Variants in CAMKMT observed in about 807,000 individuals in gnomAD.
CAMKMT encodes the protein CaM KMT.
In CAMKMT, 53 loss-of-function variants were observed where a neutral mutation model predicts 48.0. The ratio of observed to expected loss-of-function variants is 1.10; its 90% CI spans 0.89 to 1.39. The LOEUF (loss-of-function observed/expected upper bound fraction) is 1.39. Ranked by LOEUF, CAMKMT falls within the 40% of genes most tolerant of loss-of-function variation. The probability of loss-of-function intolerance (pLI) is 0.00; values close to 1 mark genes in which losing one functional copy is unlikely to be tolerated. For missense variants in CAMKMT, 428 were observed against 402.7 expected (o/e 1.06, Z -0.54); for synonymous variants, 165 against 152.3 (o/e 1.08, Z -0.61).
Position 44,566,500 on chromosome 2 carries a change from A to G in CAMKMT, c.377-137783A>G, listed in dbSNP as rs543851105. On this transcript the variant is annotated intron_variant, in intron 3 of 10. Transcript: ENST00000378494. ...CTTTTCAGTCAGGCTGCTGGGTCGT[A>G]TGTGAACTATTGTTTGACTCACACA... Among the ~76,000 whole-genome samples, 14 of 152,290 alleles carry G rather than the reference A, an allele frequency of 9.2e-5. No homozygotes were observed. In the South Asian group the frequency reaches 2.9e-3, roughly 32 times the overall value.
At chr2:44,570,187 T>G (rs1668833693) in intron 3 of CAMKMT, among the ~76,000 whole-genome samples, 1 of 152,202 alleles carries the variant, frequency 6.6e-6, no homozygotes, top group Admixed American at 6.5e-5. Flanking sequence ...AAAATAATCC[T>G]AATGATAGAT....
chr2:44,460,032 C>A (rs1667770487), intron 3 of CAMKMT, among the ~76,000 whole-genome samples: 1 of 152,204 alleles, frequency 6.6e-6, no homozygotes, highest in African/African-American at 2.4e-5. Flanking sequence ...TTGGCAAATA[C>A]AGCCCATCAG....
intron 3 of CAMKMT, among the ~76,000 whole-genome samples, chr2:44,485,015 A>G (rs1024090813): frequency 1.3e-5 from 2 of 152,228 alleles, no homozygotes. Flanking sequence ...AACCAAAATA[A>G]GATACCAACA....
chr2:44,606,832 T>C (rs1459105766), intron 3 of CAMKMT, among the ~76,000 whole-genome samples: 2 of 145,764 alleles, frequency 1.4e-5, no homozygotes, highest in African/African-American at 5.0e-5. Flanking sequence ...AAGATTACTG[T>C]GAGAGTTCAG....
At chr2:44,492,171 G>GT (rs908661934) in intron 3 of CAMKMT, among the ~76,000 whole-genome samples, 35 of 148,278 alleles carry the variant, frequency 2.4e-4, no homozygotes, top group Admixed American at 2.7e-4. Context: ...AAACATTTGA[G>GT]TTTTTTTTTT....
At chr2:44,563,270 C>A (rs992546180) in intron 3 of CAMKMT, among the ~76,000 whole-genome samples, 1 of 151,594 alleles carries the variant, frequency 6.6e-6, no homozygotes, top group Non-Finnish European at 1.5e-5. Context: ...AAGGATTATA[C>A]TACCTGTACT....
At chr2:44,434,593 A>G (rs1684839660) in intron 3 of CAMKMT, among the ~76,000 whole-genome samples, 1 of 152,204 alleles carries the variant, frequency 6.6e-6, no homozygotes, top group African/African-American at 2.4e-5. Flanking sequence ...CAAAGAAGGT[A>G]GTGACTTTGT....
chr2:44,465,377 C>T (rs1291846269), intron 3 of CAMKMT, among the ~76,000 whole-genome samples: 3 of 152,040 alleles, frequency 2.0e-5, no homozygotes, highest in South Asian at 2.1e-4. Context: ...GCAGGTAGAT[C>T]GCTTGAGGTT....
At chr2:44,735,740 GA>G (rs59232595) in intron 7 of CAMKMT, among the ~76,000 whole-genome samples, 2,341 of 141,670 alleles carry the variant, frequency 0.017, 26 homozygotes, top group African/African-American at 0.037. Flanking sequence ...CATCTCTACT[GA>G]AAAAAAAAAA....
chr2:44,600,222 A>C (rs1050980999), intron 3 of CAMKMT, among the ~76,000 whole-genome samples: 13 of 151,984 alleles, frequency 8.6e-5, no homozygotes, highest in Non-Finnish European at 4.4e-5. Flanking sequence ...CCTCAGCTTC[A>C]CCATTCCATT....
chr2:44,680,116 A>T (rs533307990), intron 3 of CAMKMT, among the ~76,000 whole-genome samples: 41 of 152,292 alleles, frequency 2.7e-4, no homozygotes, highest in African/African-American at 8.2e-4. Context: ...ATACTGTGAC[A>T]CTGGCTGGAT....
At chr2:44,394,808 T>G (rs2104426885) in intron 3 of CAMKMT, 1 of 453,048 alleles carries the variant, frequency 2.2e-6, no homozygotes, top group South Asian at 1.6e-5. Context: ...CTGTTTGTGA[T>G]GTATCTAAAA....
rs185109185 is a variant in CAMKMT, at chr2:44,683,655, C to G, written c.377-20628C>G. On this transcript the variant is annotated intron_variant, in intron 3 of 10. Transcript: ENST00000378494. ...CTAACACAGTGAAACCCCCTCTCTACTAAAAAAATACAAAAAAATTAGGCG... is the reference window on the plus strand; with the variant it reads ...CTAACACAGTGAAACCCCCTCTCTAGTAAAAAAATACAAAAAAATTAGGCG... Among the ~76,000 whole-genome samples the G allele has an allele frequency of 4.0e-3, 613 of 151,818 alleles. 2 individuals carry two copies. Among genetic ancestry groups the G allele is most frequent in the Non-Finnish European group, 6.9e-3 (467 of 67,896 alleles).
At chr2:44,622,197 C>T (rs1013502478) in intron 3 of CAMKMT, among the ~76,000 whole-genome samples, 5 of 152,176 alleles carry the variant, frequency 3.3e-5, no homozygotes, top group Non-Finnish European at 7.3e-5. Context: ...CTTGGCTTCT[C>T]GTTCCTCATA....
intron 7 of CAMKMT, among the ~76,000 whole-genome samples, chr2:44,728,516 C>G (rs1198547435): frequency 6.6e-6 from 1 of 152,122 alleles, no homozygotes; most frequent in East Asian, 1.9e-4. Context: ...CTTCATATGT[C>G]TGGCAGAATT....
intron 3 of CAMKMT, among the ~76,000 whole-genome samples, chr2:44,461,744 T>C (rs1427514325): frequency 7.2e-5 from 11 of 152,266 alleles, no homozygotes; most frequent in Admixed American, 6.5e-4. Flanking sequence ...TTGCTACATA[T>C]GTTTTTCTGG....
At chr2:44,514,555 C>G (rs111917766) in intron 3 of CAMKMT, among the ~76,000 whole-genome samples, 3,455 of 152,154 alleles carry the variant, frequency 0.023, 147 homozygotes, top group African/African-American at 0.08. Context: ...ATGGATTAAT[C>G]AAGGATGTCC....
chr2:44,388,014 T>C (rs1187673038), intron 2 of CAMKMT, among the ~76,000 whole-genome samples: 3 of 152,188 alleles, frequency 2.0e-5, no homozygotes, highest in African/African-American at 7.2e-5. Flanking sequence ...GCCTGGGTGA[T>C]GATCCTTTTG....
chr2:44,447,613 A>G (rs942146795), intron 3 of CAMKMT, among the ~76,000 whole-genome samples: 3 of 152,232 alleles, frequency 2.0e-5, no homozygotes, highest in Admixed American at 6.5e-5. Context: ...GGGATCAGTA[A>G]GCAACTTCTT....
Sources: allele counts gnomAD v4.1 joint callset (sites outside exome capture counted in the v4.1 genomes callset), GRCh38; gene constraint gnomAD v4.1.1; transcripts MANE v1.5; gene names NCBI Gene and HGNC (gene_info 2026-07-23, HGNC 2026-07-21).